SHB: variants seen among roughly 807,000 people sequenced by gnomAD.
The protein encoded by SHB is SH2 domain-containing adapter protein B.
A neutral mutation model predicts 52.3 loss-of-function variants in SHB; 20 were observed. The ratio of observed to expected loss-of-function variants is 0.38; its 90% CI spans 0.27 to 0.56. The LOEUF (loss-of-function observed/expected upper bound fraction) is 0.56. Ranked by LOEUF, SHB falls within the 20% of genes least tolerant of loss-of-function variation. SHB has a pLI of 0.71. For synonymous variants in SHB, 397 were observed against 316.5 expected (o/e 1.25, Z -2.70); for missense variants, 825 against 723.3 (o/e 1.14, Z -1.61).
intron 5 of SHB, among the ~76,000 whole-genome samples, chr9:37,946,587 G>A (rs1339133599): frequency 5.9e-5 from 9 of 152,278 alleles, no homozygotes; most frequent in African/African-American, 9.6e-5. Flanking sequence ...GTGCCAGCCC[G>A]GCAGGACCTT....
At chr9:37,975,829 C>T (rs1393387298) in intron 2 of SHB, among the ~76,000 whole-genome samples, 2 of 152,082 alleles carry the variant, frequency 1.3e-5, no homozygotes, top group Admixed American at 1.3e-4. Flanking sequence ...GCAAAGGGGG[C>T]TCAGTGTAGG....
intron 1 of SHB, among the ~76,000 whole-genome samples, chr9:38,024,060 T>C (rs969226402): frequency 6.6e-6 from 1 of 152,210 alleles, no homozygotes; most frequent in Non-Finnish European, 1.5e-5. Context: ...GGAGGTTGGT[T>C]TTCCACTCCA....
chr9:38,020,587 A>T (rs1444074523), intron 1 of SHB, among the ~76,000 whole-genome samples: 1 of 152,152 alleles, frequency 6.6e-6, no homozygotes, highest in East Asian at 1.9e-4. Context: ...TGCCATCTCC[A>T]GGATCTAAGA....
At chr9:37,921,028 C>A (rs370526981) in intron 5 of SHB, among the ~76,000 whole-genome samples, 3 of 152,210 alleles carry the variant, frequency 2.0e-5, no homozygotes, top group African/African-American at 7.2e-5. Flanking sequence ...CAGCTCTCAC[C>A]AGGGCTGCAG....
chr9:38,068,750 G>C lies in SHB; in HGVS notation c.-105C>G. ...GTCCCTCGGCGCCCCGGCCCCGGCG[G>C]GGGGCGTCCGGGGCGCCCGCTCCCG... On this transcript the variant is annotated 5_prime_UTR_variant, in exon 1 of 6. Transcript: ENST00000377707. 5.1e-6 allele frequency: 2 copies of C among 390,616 alleles called. No individual in the cohort carries two copies. Among genetic ancestry groups the C allele is most frequent in the Non-Finnish European group, 7.2e-6 (2 of 279,258 alleles). 24.2% of individuals were successfully genotyped at this position (390,616 alleles called of 1,614,324 possible).
chr9:37,956,932 T>G (rs1455101353), intron 3 of SHB, among the ~76,000 whole-genome samples: 1 of 152,202 alleles, frequency 6.6e-6, no homozygotes, highest in Non-Finnish European at 1.5e-5. Context: ...TGTGCTGTTA[T>G]TATAAATCAC....
chr9:38,013,797 G>A (rs533609857), intron 2 of SHB, among the ~76,000 whole-genome samples: 6 of 152,246 alleles, frequency 3.9e-5, no homozygotes, highest in East Asian at 1.9e-4. Context: ...GTGGACTCCT[G>A]TAACAACATC....
chr9:38,004,104 GC>G (rs1288974823), intron 2 of SHB, among the ~76,000 whole-genome samples: 19 of 152,342 alleles, frequency 1.2e-4, no homozygotes, highest in African/African-American at 4.3e-4. Context: ...GTGCTCCCAG[GC>G]CCCCAGCTGT....
intron 1 of SHB, among the ~76,000 whole-genome samples, chr9:38,028,596 A>G (rs756769284): frequency 2.5e-4 from 38 of 152,356 alleles, no homozygotes; most frequent in Non-Finnish European, 4.6e-4. Flanking sequence ...AACTCCAGCC[A>G]GAAGGCCTGT....
At chr9:37,933,863 G>C (rs1285897086) in intron 5 of SHB, among the ~76,000 whole-genome samples, 4 of 152,200 alleles carry the variant, frequency 2.6e-5, no homozygotes, top group Non-Finnish European at 5.9e-5. Context: ...CCAGCTCCGA[G>C]CTCTAGCTCC....
chr9:37,966,962 T>C (rs886918559), intron 3 of SHB, among the ~76,000 whole-genome samples: 4 of 152,316 alleles, frequency 2.6e-5, no homozygotes, highest in African/African-American at 7.2e-5. Context: ...CAACTGCTTC[T>C]GCCTTGTACC....
rs1832153083 is a variant in SHB at position 37,919,757 on chromosome 9, G to T, written c.*64C>A. 7.4e-7 allele frequency: 1 copy of T among 1,357,606 alleles called. No homozygotes were observed. The highest frequency in any genetic ancestry group is 1.0e-6 in the Non-Finnish European group (1 of 957,398). 84.1% of individuals were successfully genotyped at this position (1,357,606 alleles called of 1,614,324 possible). A position where few individuals can be genotyped will look rare whatever the true frequency, so the allele number is the denominator to read the frequency against. ...CCAGCAACAGTGGCTGGGCTGGTTG[G>T]TGGGGGGCCTCTGGCACCTCCAAGT... On this transcript the variant is annotated 3_prime_UTR_variant, in exon 6 of 6. Coordinates refer to ENST00000377707, the MANE Select transcript of SHB (RefSeq NM_003028.3).
chr9:38,015,372 A>AC, intron 2 of SHB: 1 of 702,054 alleles, frequency 1.4e-6, no homozygotes, highest in East Asian at 2.7e-5. Context: ...GATGCTGCAT[A>AC]CCCAGCCACA....
At chr9:38,011,113 C>T (rs569392279) in intron 2 of SHB, among the ~76,000 whole-genome samples, 7 of 152,320 alleles carry the variant, frequency 4.6e-5, no homozygotes, top group African/African-American at 1.2e-4. Context: ...GTGTCCAGCG[C>T]CCTTCCTGCT....
intron 1 of SHB, among the ~76,000 whole-genome samples, chr9:38,049,467 T>A (rs1308208967): frequency 6.6e-6 from 1 of 151,942 alleles, no homozygotes; most frequent in African/African-American, 2.4e-5. Flanking sequence ...AAAAATTGGC[T>A]GGGTGCGGTG....
chr9:38,012,396 T>A (rs1406458476), intron 2 of SHB, among the ~76,000 whole-genome samples: 2 of 152,158 alleles, frequency 1.3e-5, no homozygotes, highest in African/African-American at 4.8e-5. Flanking sequence ...ATTAGTCAAG[T>A]GGGCAGCCTA....
intron 2 of SHB, among the ~76,000 whole-genome samples, chr9:37,989,995 T>G (rs1185581221): frequency 2.0e-5 from 3 of 152,220 alleles, no homozygotes; most frequent in Admixed American, 2.0e-4. Context: ...ATTTTTGTGC[T>G]GGAAGAAACG....
chr9:37,940,442 T>C (rs776018), intron 5 of SHB, among the ~76,000 whole-genome samples: 115,505 of 152,204 alleles, frequency 0.76, 44,023 homozygotes, highest in South Asian at 0.85. Flanking sequence ...CCTACAGCAG[T>C]GGCTTCTAAT....
chr9:37,941,183 G>T (rs1190373224), intron 5 of SHB, among the ~76,000 whole-genome samples: 1 of 152,162 alleles, frequency 6.6e-6, no homozygotes, highest in Non-Finnish European at 1.5e-5. Context: ...CTTCCAGGTT[G>T]AACCCAGACA....
Sources: allele counts gnomAD v4.1 joint callset (sites outside exome capture counted in the v4.1 genomes callset), GRCh38; gene constraint gnomAD v4.1.1; transcripts MANE v1.5; gene names NCBI Gene and HGNC (gene_info 2026-07-23, HGNC 2026-07-21).